The following DNMT3A variants were observed in gnomAD, a reference collection of about 807,000 sequenced individuals.
The protein encoded by DNMT3A is DNA methyltransferase 3 alpha, also known as DNA (cytosine-5)-methyltransferase 3A.
A neutral mutation model predicts 117.6 loss-of-function variants in DNMT3A; 267 were observed. That is an observed-to-expected ratio of 2.27 (90% CI 2.05 to 2.51). The LOEUF is 2.51. Among genes scored for constraint, DNMT3A ranks in the 30% most tolerant of loss-of-function variants. The probability of loss-of-function intolerance (pLI) is 0.00; values close to 1 mark genes in which losing one functional copy is unlikely to be tolerated. For synonymous variants in DNMT3A, 432 were observed against 474.8 expected (o/e 0.91, Z 1.17); for missense variants, 1,029 against 1,260.2 (o/e 0.82, Z 2.78).
At chr2:25,315,073 C>G (rs1450696230) in intron 1 of DNMT3A, among the ~76,000 whole-genome samples, 4 of 152,156 alleles carry the variant, frequency 2.6e-5, no homozygotes, top group African/African-American at 7.2e-5. Flanking sequence ...GTGCCAGGGC[C>G]CAGGAGGGGA....
rs1445940424 is a variant in DNMT3A at position 25,282,934 on chromosome 2, C to T, written c.178-223G>A. Among the ~76,000 whole-genome samples, 1 of 152,206 alleles carries T rather than the reference C, an allele frequency of 6.6e-6. No individual in the cohort carries two copies. The highest frequency in any genetic ancestry group is 1.5e-5 in the Non-Finnish European group (1 of 68,040). ...GAAATCACGAGTCTGTGGACTCCAGCTTCAGAAACAGGAAAAGAATCCAAG... is the reference window on the plus strand; with the variant it reads ...GAAATCACGAGTCTGTGGACTCCAGTTTCAGAAACAGGAAAAGAATCCAAG... On this transcript the variant is annotated intron_variant, in intron 3 of 22. Coordinates refer to ENST00000321117, the MANE Select transcript of DNMT3A (RefSeq NM_022552.5). This position sits in a 1 kb window ranked among gnomAD's most constrained non-coding sequence, Gnocchi z 5.2.
Position 25,252,054 on chromosome 2 carries a change from C to G in DNMT3A, c.640-3802G>C, listed in dbSNP as rs2149325332. 8.7e-7 allele frequency: 1 copy of G among 1,155,338 alleles called. No homozygotes were observed. Among genetic ancestry groups the G allele is most frequent in the African/African-American group, 1.6e-5 (1 of 62,538 alleles). 71.6% of individuals were successfully genotyped at this position (1,155,338 alleles called of 1,614,324 possible). On this transcript the variant is annotated intron_variant, in intron 6 of 22. Coordinates refer to ENST00000321117, the MANE Select transcript of DNMT3A (RefSeq NM_022552.5). This position sits in a 1 kb window ranked among gnomAD's most constrained non-coding sequence, Gnocchi z 5.5. The stretch of plus-strand genomic sequence containing the variant: ...TAAGTCAGCATCTCCAGAACTCGGG[C>G]CAGGCCGGGACGCCGCGGCTGCTGC...
Position 25,275,561 on chromosome 2 carries a change from C to T in DNMT3A, c.449-18G>A. 2 of 1,561,354 alleles carry T rather than the reference C, an allele frequency of 1.3e-6. No homozygotes were observed. The highest frequency in any genetic ancestry group is 4.9e-5 in the East Asian group (2 of 40,924). ...TTCTTTGCCTGTGGAGAGGGAAGAA[C>T]AAAGGGACCAGTTCGTTGGTCGGCA... On this transcript the variant is annotated intron_variant, in intron 4 of 22. Transcript: ENST00000321117.
At chr2:25,319,306 G>T (rs776941774) in intron 1 of DNMT3A, among the ~76,000 whole-genome samples, 1 of 151,816 alleles carries the variant, frequency 6.6e-6, no homozygotes, top group Non-Finnish European at 1.5e-5. Context: ...GAGCCACCAC[G>T]CCCGGGGTCT....
chr2:25,273,569 C>A (rs1327491378), intron 6 of DNMT3A, among the ~76,000 whole-genome samples: 1 of 152,196 alleles, frequency 6.6e-6, no homozygotes, highest in African/African-American at 2.4e-5. Context: ...TCACCACCCA[C>A]TTCTCTTTGT....
chr2:25,259,454 C>T (rs2149341146), intron 6 of DNMT3A, among the ~76,000 whole-genome samples: 1 of 152,316 alleles, frequency 6.6e-6, no homozygotes, highest in Non-Finnish European at 1.5e-5. Flanking sequence ...TAAATAACCC[C>T]TAGCTTCTTT....
chr2:25,254,309 A>C lies in DNMT3A; in HGVS notation c.640-6057T>G, dbSNP rs1675925568. Among the ~76,000 whole-genome samples, 1 of 151,938 alleles carries C rather than the reference A, an allele frequency of 6.6e-6. No individual in the cohort carries two copies. Among genetic ancestry groups the C allele is most frequent in the African/African-American group, 2.4e-5 (1 of 41,356 alleles). ...GGTGCTGGTATAATGAAGTCACGAG[A>C]TGTGCAGTGAGGGAGCCCCCCCTCC... On this transcript the variant is annotated intron_variant, in intron 6 of 22. Coordinates refer to ENST00000321117, the MANE Select transcript of DNMT3A (RefSeq NM_022552.5). This position sits in a 1 kb window ranked among gnomAD's most constrained non-coding sequence, Gnocchi z 4.7.
In DNMT3A at chr2:25,234,277, C is replaced by T; in HGVS notation, c.*2G>A. 6.2e-7 allele frequency: 1 copy of T among 1,612,586 alleles called. No homozygotes were observed. Among genetic ancestry groups the T allele is most frequent in the East Asian group, 2.2e-5 (1 of 44,838 alleles). On this transcript the variant is annotated 3_prime_UTR_variant, in exon 23 of 23. Coordinates refer to ENST00000321117, the MANE Select transcript of DNMT3A (RefSeq NM_022552.5). This position sits in a 1 kb window ranked among gnomAD's most constrained non-coding sequence, Gnocchi z 4.5. ...CGCTACCTCAGTTTGCCCCCATGTC[C>T]CTTACACACACGCAAAATACTCCTT...
intron 3 of DNMT3A, among the ~76,000 whole-genome samples, chr2:25,284,645 TAAAAAAAAAAAAAAAAA>T (rs56901099): frequency 3.0e-4 from 5 of 16,632 alleles, no homozygotes; most frequent in African/African-American, 8.3e-4. Flanking sequence ...AGACTCCATC[TAAAAAAAAAAAAAAAAA>T]AAAAAAAAAA....
intron 5 of DNMT3A, 146 bp from the exon 6 acceptor site, chr2:25,275,233 G>C: frequency 8.0e-7 from 1 of 1,246,622 alleles, no homozygotes; most frequent in Non-Finnish European, 1.1e-6. Flanking sequence ...GTGTGGGCTG[G>C]AGGAGCGAGG....
rs917089841 is a variant in DNMT3A at position 25,332,141 on chromosome 2, G to A, written c.-178+9685C>T. 4.6e-5 allele frequency among the ~76,000 whole-genome samples: 7 copies of A among 152,266 alleles called. No homozygotes were observed. The South Asian group carries it at 1.0e-3, about 23-fold the overall frequency. ...CCCTATTGCCCGAGCTCTCGTCCTC[G>A]ATGCCCTAGAATGATCCTTCTCAAA... is the stretch of plus-strand genomic sequence containing the variant. On this transcript the variant is annotated intron_variant, in intron 1 of 22. Coordinates refer to ENST00000321117, the MANE Select transcript of DNMT3A (RefSeq NM_022552.5).
intron 6 of DNMT3A, among the ~76,000 whole-genome samples, chr2:25,260,696 G>A (rs72810054): frequency 2.0e-5 from 3 of 152,174 alleles, no homozygotes; most frequent in South Asian, 2.1e-4. Flanking sequence ...ACATTCACAC[G>A]CACACTTGCA....
Position 25,229,299 on chromosome 2 carries a change from A to T in DNMT3A, c.*4980T>A, listed in dbSNP as rs1222761600. On this transcript the variant is annotated 3_prime_UTR_variant, in exon 23 of 23. Transcript: ENST00000321117. ...ACAGGGCCTGGTAAGGAGGCGGCTG[A>T]CACTTTCCTTAATCCTGGCTCAGCA... is the stretch of plus-strand genomic sequence containing the variant. The T allele has an allele frequency of 6.6e-6, 1 of 152,408 alleles. No individual in the cohort carries two copies. The highest frequency in any genetic ancestry group is 2.4e-5 in the African/African-American group (1 of 41,440). The allele number at this position is 152,408 out of a possible 1,614,324, so 9.4% of individuals were successfully genotyped here.
At chr2:25,326,108 ATGTGTGTGTG>A (rs61521265) in intron 1 of DNMT3A, among the ~76,000 whole-genome samples, 4,519 of 142,352 alleles carry the variant, frequency 0.032, 83 homozygotes, top group South Asian at 0.08. Context: ...CTTGATATAT[ATGTGTGTGTG>A]TGTGTGTGTG....
intron 1 of DNMT3A, among the ~76,000 whole-genome samples, chr2:25,334,131 G>A (rs2035118585): frequency 6.6e-6 from 1 of 152,204 alleles, no homozygotes. Flanking sequence ...AACAGGGGCA[G>A]CCTCGGGGGA....
At chr2:25,292,801 T>C (rs1026320559) in intron 3 of DNMT3A, among the ~76,000 whole-genome samples, 1 of 152,000 alleles carries the variant, frequency 6.6e-6, no homozygotes, top group Non-Finnish European at 1.5e-5. Flanking sequence ...GTGGGGATGA[T>C]GAAAGAAAGC....
chr2:25,252,086 G>T lies in DNMT3A; in HGVS notation c.640-3834C>A. 1 of 1,399,130 alleles carries T rather than the reference G, an allele frequency of 7.1e-7. No individual in the cohort carries two copies. Among genetic ancestry groups the T allele is most frequent in the South Asian group, 1.3e-5 (1 of 75,800 alleles). 86.7% of individuals were successfully genotyped at this position (1,399,130 alleles called of 1,614,324 possible). ...GGGACGCCGCGGCTGCTGCGGGCCG[G>T]GGAGGCATACTTCACTCTTTTCAAA... On this transcript the variant is annotated intron_variant, in intron 6 of 22. Transcript: ENST00000321117. The surrounding 1 kb of genome is among the most constrained non-coding windows in gnomAD (Gnocchi z 5.5).
At chr2:25,332,947 T>C (rs1285450706) in intron 1 of DNMT3A, among the ~76,000 whole-genome samples, 1 of 152,192 alleles carries the variant, frequency 6.6e-6, no homozygotes, top group East Asian at 1.9e-4. Flanking sequence ...CAAAGGCCAC[T>C]CTCCGCTTAG....
At chr2:25,301,252 G>A (rs1218470844) in intron 2 of DNMT3A, among the ~76,000 whole-genome samples, 1 of 127,458 alleles carries the variant, frequency 7.8e-6, no homozygotes, top group Admixed American at 7.8e-5. Flanking sequence ...CTGGGAGACA[G>A]AGCGAGACTG....
Sources: allele counts gnomAD v4.1 joint callset (sites outside exome capture counted in the v4.1 genomes callset), GRCh38; gene constraint gnomAD v4.1.1; non-coding constraint Gnocchi (gnomAD v3.1); transcripts MANE v1.5; gene names NCBI Gene and HGNC (gene_info 2026-07-23, HGNC 2026-07-21).